The following KRT35 variants were observed in gnomAD, a reference collection of about 807,000 sequenced individuals.
The protein encoded by KRT35 is keratin, type I cuticular Ha5.
Under a neutral mutation model 42.2 loss-of-function variants are expected in KRT35, and 33 were observed. The ratio of observed to expected loss-of-function variants is 0.78; its 90% CI spans 0.59 to 1.05. KRT35 has a LOEUF of 1.05. Ranked by LOEUF, KRT35 falls within the 50% of genes least tolerant of loss-of-function variation. The probability of loss-of-function intolerance (pLI) is 0.00; values close to 1 mark genes in which losing one functional copy is unlikely to be tolerated. For synonymous variants in KRT35, 218 were observed against 238.2 expected (o/e 0.92, Z 0.78); for missense variants, 585 against 589.2 (o/e 0.99, Z 0.07).
At position 41,477,122 on chromosome 17, in the gene KRT35, A is replaced by G. The variant is rs200459327; in HGVS notation, c.1302T>C (p.Pro434=). 1 of 1,612,292 alleles carries G rather than the reference A, an allele frequency of 6.2e-7. No individual in the cohort carries two copies. The highest frequency in any genetic ancestry group is 2.2e-5 in the East Asian group (1 of 44,864). The stretch of plus-strand genomic sequence containing the variant: ...GGCTGCAGTTTGTGCGGGCTGCACT[A>G]GGACCGCAGGAGGCCGCAGGAAGAC... ...LPCLPAASCG[P]SAARTNCSPR... The change falls in exon 7 of 7, where the codon CCT becomes CCC. Residue 434 remains proline, a synonymous_variant. Transcript: ENST00000246639.
Position 41,479,330 on chromosome 17 carries a change from T to G in KRT35, c.711+17A>C. The G allele has an allele frequency of 6.2e-7, 1 of 1,605,222 alleles. No individual in the cohort carries two copies. Among genetic ancestry groups the G allele is most frequent in the Non-Finnish European group, 8.5e-7 (1 of 1,175,306 alleles). ...GCTCACCTGCTGTGCCGTGTTCACC[T>G]TTTCCCCCATGCTCACCTCCTCATG... On this transcript the variant is annotated intron_variant, in intron 3 of 6. Transcript: ENST00000246639.
chr17:41,480,994 C>T lies in KRT35; in HGVS notation c.104G>A (p.Ser35Asn), dbSNP rs1391343008. The T allele has an allele frequency of 6.2e-7, 1 of 1,614,018 alleles. No homozygotes were observed. Among genetic ancestry groups the T allele is most frequent in the East Asian group, 2.2e-5 (1 of 44,880 alleles). Residue 35 changes from serine (S) to asparagine (N), a missense_variant, in exon 1 of 7, where the codon AGC becomes AAC. By Grantham distance (46) the Ser-to-Asn change is conservative. Coordinates refer to ENST00000246639, the MANE Select transcript of KRT35 (RefSeq NM_002280.6). ...GGAGAGACTTGGAAGCTTGCAAGAG[C>T]TGCTGGAGTACATTGCGGACACACG... ...STRVSAMYSS[S>N]SCKLPSLSPV...
In KRT35 at chr17:41,476,766, G is replaced by C; in HGVS notation, c.*290C>G. On this transcript the variant is annotated 3_prime_UTR_variant, in exon 7 of 7. Transcript: ENST00000246639. Reference sequence around the variant, plus strand: ...AACAAAAGCCCTCTACTGCATTTCAGAATCCACCGGAACAGCACCTAGAAG... The same window carrying C: ...AACAAAAGCCCTCTACTGCATTTCACAATCCACCGGAACAGCACCTAGAAG... The C allele has an allele frequency of 6.2e-6, 2 of 322,328 alleles. No homozygotes were observed. Among genetic ancestry groups the C allele is most frequent in the Non-Finnish European group, 1.1e-5 (2 of 176,972 alleles). 20.0% of individuals were successfully genotyped at this position (322,328 alleles called of 1,614,324 possible).
chr17:41,479,755 G>A lies in KRT35; in HGVS notation c.498C>T (p.Ala166=), dbSNP rs1343525056. 2 of 1,614,050 alleles carry A rather than the reference G, an allele frequency of 1.2e-6. No homozygotes were observed. The highest frequency in any genetic ancestry group is 3.3e-5 in the Admixed American group (2 of 60,026). The change falls in exon 2 of 7, where the codon GCC becomes GCT. Residue 166 remains alanine, a synonymous_variant. Transcript: ENST00000246639. Reference sequence around the variant, plus strand: ...CATTGTCAATCTCCACCACCAGCCTGGCATTCTCAGCCTTGCTGCATAGAG... The same window carrying A: ...CATTGTCAATCTCCACCACCAGCCTAGCATTCTCAGCCTTGCTGCATAGAG... ...KKTLCSKAEN[A]RLVVEIDNAK... is the part of the protein sequence containing the mutation.
At chr17:41,478,205 C>G (rs920882704) in intron 5 of KRT35, among the ~76,000 whole-genome samples, 156 bp downstream of exon 5, 5 of 152,148 alleles carry the variant, frequency 3.3e-5, no homozygotes, top group African/African-American at 1.2e-4. Flanking sequence ...GTGACTGGAG[C>G]TGGTCCCTCA....
intron 4 of KRT35, 110 bp from the exon 5 acceptor site, chr17:41,478,596 G>T (rs1165660821): frequency 2.2e-6 from 3 of 1,357,648 alleles, no homozygotes; most frequent in Non-Finnish European, 3.0e-6. Flanking sequence ...CGATTCCCCA[G>T]TCCCACTCAT....
chr17:41,481,046 G>T lies in KRT35; in HGVS notation c.52C>A (p.Pro18Thr). 6.2e-7 allele frequency: 1 copy of T among 1,613,812 alleles called. No individual in the cohort carries two copies. Among genetic ancestry groups the T allele is most frequent in the South Asian group, 1.1e-5 (1 of 91,074 alleles). Residue 18 changes from proline (P) to threonine (T), a missense_variant, in exon 1 of 7, where the codon CCA becomes ACA. Transcript: ENST00000246639. ...GTGGAGCCCCCACTGGCCCCTCCTG[G>T]GCTCTTGAGAGACCCAGAAGAGAAG... Reference protein sequence around the residue: ...AGFSSGSLKSPGGASGGSTRV... With the variant: ...AGFSSGSLKSTGGASGGSTRV...
Position 41,477,637 on chromosome 17 carries a change from G to A in KRT35, c.1101C>T (p.Ala367=), listed in dbSNP as rs746478148. 1.1e-5 allele frequency: 18 copies of A among 1,614,218 alleles called. No individual in the cohort carries two copies. The highest frequency in any genetic ancestry group is 1.7e-4 in the Middle Eastern group (1 of 6,056). ...GCCGCTCCAGGTCAGCCCGGATCTCGGCCAGCTGGGCCTCCACGTTGGTGA... is the reference window on the plus strand; with the variant it reads ...GCCGCTCCAGGTCAGCCCGGATCTCAGCCAGCTGGGCCTCCACGTTGGTGA... ...CMITNVEAQL[A]EIRADLERQN... The change falls in exon 6 of 7, where the codon GCC becomes GCT. Residue 367 remains alanine, a synonymous_variant. Coordinates refer to ENST00000246639, the MANE Select transcript of KRT35 (RefSeq NM_002280.6).
rs1304175769 is a variant in KRT35, at chr17:41,481,086, T to C, written c.12A>G (p.Lys4=). Residue 4 remains lysine, a synonymous_variant, in exon 1 of 7, where the codon AAA becomes AAG. Coordinates refer to ENST00000246639, the MANE Select transcript of KRT35 (RefSeq NM_002280.6). MAS[K]CLKAGFSSGS... is the part of the protein sequence containing the mutation. The stretch of plus-strand genomic sequence containing the variant: ...CAGAAGAGAAGCCGGCCTTGAGGCA[T>C]TTGGAAGCCATGGCCCCTGCAACTC... 1.2e-6 allele frequency: 2 copies of C among 1,607,276 alleles called. No individual in the cohort carries two copies. The highest frequency in any genetic ancestry group is 1.3e-5 in the African/African-American group (1 of 74,436).
chr17:41,480,582 T>C (rs2144475603), intron 1 of KRT35, 45 bp downstream of exon 1: 1 of 1,451,954 alleles, frequency 6.9e-7, no homozygotes, highest in African/African-American at 1.4e-5. Context: ...TGAATGCTGG[T>C]GACACAAAGT....
chr17:41,477,513 C>T lies in KRT35; in HGVS notation c.1220+5G>A. 6.2e-7 allele frequency: 1 copy of T among 1,612,994 alleles called. No individual in the cohort carries two copies. Among genetic ancestry groups the T allele is most frequent in the Non-Finnish European group, 8.5e-7 (1 of 1,179,954 alleles). ...GAAGACAAGAGCACATGCAGTGATA[C>T]TCACTTGCTGTCCTCACTCTCCAGC... On this transcript the variant is annotated splice_donor_5th_base_variant and intron_variant, in intron 6 of 6. Transcript: ENST00000246639.
Position 41,481,120 on chromosome 17 carries a change from T to A in KRT35, c.-23A>T, listed in dbSNP as rs760557238. On this transcript the variant is annotated 5_prime_UTR_variant, in exon 1 of 7. Transcript: ENST00000246639. ...CATGGCCCCTGCAACTCAGATGCAA[T>A]TGATAGGTCTCTGAGGCCAGACACC... The A allele has an allele frequency of 1.3e-6, 2 of 1,542,256 alleles. No homozygotes were observed. Among genetic ancestry groups the A allele is most frequent in the Admixed American group, 3.8e-5 (2 of 53,038 alleles).
intron 1 of KRT35, among the ~76,000 whole-genome samples, chr17:41,480,370 G>A (rs1209679382): frequency 6.6e-6 from 1 of 152,170 alleles, no homozygotes; most frequent in Non-Finnish European, 1.5e-5. Context: ...AGGTCACAGA[G>A]TTCATTCATA....
chr17:41,480,071 C>A (rs926392262), intron 1 of KRT35, among the ~76,000 whole-genome samples: 1 of 152,246 alleles, frequency 6.6e-6, no homozygotes, highest in African/African-American at 2.4e-5. Context: ...ATCTCCCTGT[C>A]TCCCAGGCCT....
chr17:41,477,164 G>T lies in KRT35; in HGVS notation c.1260C>A (p.Ser420=). 6.2e-7 allele frequency: 1 copy of T among 1,613,908 alleles called. No individual in the cohort carries two copies. ...CNPCAPDYSP[S]KSCLPCLPAA... is the part of the protein sequence containing the mutation. ...CAGGAAGACAGGGAAGGCATGACTT[G>T]GAGGGTGAGTAGTCAGGTGCACATG... The change falls in exon 7 of 7, where the codon TCC becomes TCA. Residue 420 remains serine, a synonymous_variant. Transcript: ENST00000246639.
chr17:41,478,546 A>T (rs2019212165), intron 4 of KRT35, 60 bp from the exon 5 acceptor site: 2 of 1,577,774 alleles, frequency 1.3e-6, no homozygotes, highest in Non-Finnish European at 8.6e-7. Context: ...TCAGAGAGCT[A>T]CAGAGGCCGG....
rs1208527234 is a variant in KRT35, at chr17:41,479,004, C to G, written c.712-9G>C. 2 of 1,609,008 alleles carry G rather than the reference C, an allele frequency of 1.2e-6. No individual in the cohort carries two copies. Among genetic ancestry groups the G allele is most frequent in the East Asian group, 4.5e-5 (2 of 44,850 alleles). On this transcript the variant is annotated splice_polypyrimidine_tract_variant and intron_variant, in intron 3 of 6. Transcript: ENST00000246639. ...CGCAGTGAGTTCACTTCCTATAGCACAGACCAGGATGAGTACTAATTCCCA... is the reference window on the plus strand; with the variant it reads ...CGCAGTGAGTTCACTTCCTATAGCAGAGACCAGGATGAGTACTAATTCCCA...
chr17:41,477,339 A>T (rs2019186494), intron 6 of KRT35, 136 bp from the exon 7 acceptor site: 1 of 1,323,572 alleles, frequency 7.6e-7, no homozygotes, highest in African/African-American at 1.5e-5. Context: ...CCAAAAGGGA[A>T]ACAGGCCCTG....
In KRT35 at chr17:41,476,789, A is replaced by C. The variant is rs1031278669; in HGVS notation, c.*267T>G. On this transcript the variant is annotated 3_prime_UTR_variant, in exon 7 of 7. Transcript: ENST00000246639. ...CAGAATCCACCGGAACAGCACCTAG[A>C]AGGAAAACCTGACCCAGGAGGCAGC... 1 of 373,126 alleles carries C rather than the reference A, an allele frequency of 2.7e-6. No homozygotes were observed. Among genetic ancestry groups the C allele is most frequent in the Non-Finnish European group, 4.8e-6 (1 of 209,162 alleles). 23.1% of individuals were successfully genotyped at this position (373,126 alleles called of 1,614,324 possible).
Sources: gnomAD v4.1 joint callset for allele counts (sites outside exome capture counted in the v4.1 genomes callset) on GRCh38, gnomAD v4.1.1 for gene constraint, MANE v1.5 for transcripts, NCBI Gene and HGNC (gene_info 2026-07-23, HGNC 2026-07-21) for gene names.